The following AZI2 variants were observed in gnomAD, a reference collection of about 807,000 sequenced individuals.
AZI2 encodes the protein 5-azacytidine induced 2, also known as 5-azacytidine-induced protein 2.
Under a neutral mutation model 45.8 loss-of-function variants are expected in AZI2, and 22 were observed. The ratio of observed to expected loss-of-function variants is 0.48; its 90% CI spans 0.34 to 0.69. The LOEUF is 0.69. AZI2 is among the 30% of genes least tolerant of loss of function. The pLI is 0.01. For missense variants in AZI2, 417 were observed against 441.5 expected (o/e 0.94, Z 0.50); for synonymous variants, 137 against 156.7 (o/e 0.87, Z 0.94).
chr3:28,326,917 C>T lies in AZI2; in HGVS notation c.681G>A (p.Lys227=). The change falls in exon 7 of 8, where the codon AAG becomes AAA. Residue 227 remains lysine, a synonymous_variant. Coordinates refer to ENST00000479665, the MANE Select transcript of AZI2 (RefSeq NM_022461.5). The stretch of plus-strand genomic sequence containing the variant: ...CCAGATGTAAATTAGACATTTCTCT[C>T]TTCAGTTCCCAGTATGCATGCTGCA... ...DNMQHAYWEL[K]REMSNLHLVT... is the part of the protein sequence containing the mutation. The T allele has an allele frequency of 1.2e-6, 2 of 1,607,952 alleles. No individual in the cohort carries two copies. The highest frequency in any genetic ancestry group is 1.7e-6 in the Non-Finnish European group (2 of 1,175,790).
chr3:28,332,054 A>G, intron 6 of AZI2: 1 of 715,528 alleles, frequency 1.4e-6, no homozygotes, highest in South Asian at 1.8e-5. Flanking sequence ...ATTATATATA[A>G]TGAATAATTC....
In AZI2 at chr3:28,340,445, T is replaced by G. The variant is rs957390159; in HGVS notation, c.173A>C (p.Glu58Ala). The change falls in exon 2 of 8, where the codon GAG becomes GCG. Residue 58 changes from glutamate to alanine, a missense_variant. By Grantham distance (107) the Glu-to-Ala change is moderately radical (BLOSUM62 -1). Coordinates refer to ENST00000479665, the MANE Select transcript of AZI2 (RefSeq NM_022461.5). The part of the protein sequence containing the change: ...IKKRLKDSEK[E>A]NSLLKKRIRF... ...TATTCTCTTCTTTAACAAAGAGTTC[T>G]CTTTCTCTGAATCCTTAAGTCGTTT... is the stretch of plus-strand genomic sequence containing the variant. 5 of 1,611,472 alleles carry G rather than the reference T, an allele frequency of 3.1e-6. No individual in the cohort carries two copies. The Admixed American group carries it at 5.0e-5, about 16-fold the overall frequency.
chr3:28,333,519 T>A (rs181592162), intron 5 of AZI2, among the ~76,000 whole-genome samples: 1,991 of 143,654 alleles, frequency 0.014, 18 homozygotes, highest in Middle Eastern at 0.021. Context: ...ATTTTTTTTT[T>A]AAAAATTAGT....
rs1703303998 is a variant in AZI2 at position 28,324,428 on chromosome 3, C to T, written c.793G>A (p.Asp265Asn). The change falls in exon 8 of 8, where the codon GAC (aspartate) becomes AAC (asparagine). Residue 265 changes from aspartate (D) to asparagine (N), a missense_variant. Physicochemically the swap from Asp to Asn is conservative, Grantham distance 23. Transcript: ENST00000479665. ...KACAPVGCSEDLGRDSTKLHL... is the reference protein window; with the variant it reads ...KACAPVGCSENLGRDSTKLHL... ...AGTTTTGTGCTGTCTCTTCCAAGGT[C>T]TTCACTGCATCCTACAGGGGCACAG... is the stretch of plus-strand genomic sequence containing the variant. 5 of 1,515,706 alleles carry T rather than the reference C, an allele frequency of 3.3e-6. No individual in the cohort carries two copies. The highest frequency in any genetic ancestry group is 3.6e-4 in the Middle Eastern group (2 of 5,616). The allele number at this position is 1,515,706 out of a possible 1,614,324, so 93.9% of individuals were successfully genotyped here.
Position 28,338,047 on chromosome 3 carries a change from A to C in AZI2, c.340-11T>G. The C allele has an allele frequency of 6.8e-7, 1 of 1,476,164 alleles. No homozygotes were observed. The highest frequency in any genetic ancestry group is 1.3e-5 in the South Asian group (1 of 78,198). 91.4% of individuals were successfully genotyped at this position (1,476,164 alleles called of 1,614,324 possible). The stretch of plus-strand genomic sequence containing the variant: ...AGAGTTGTCTTTATTCTAGTTAAGT[A>C]GGGAAAATGCCAAATTACATTCAAT... On this transcript the variant is annotated splice_polypyrimidine_tract_variant and intron_variant, in intron 3 of 7. Transcript: ENST00000479665.
chr3:28,337,779 ATAT>A (rs1262460301), intron 4 of AZI2, among the ~76,000 whole-genome samples, 155 bp downstream of exon 4: 1 of 152,194 alleles, frequency 6.6e-6, no homozygotes, highest in African/African-American at 2.4e-5. Context: ...AAGGAAGTTG[ATAT>A]TATGTGAAGG....
intron 6 of AZI2, among the ~76,000 whole-genome samples, chr3:28,327,999 A>C (rs1300463005): frequency 6.7e-6 from 1 of 150,224 alleles, no homozygotes; most frequent in Admixed American, 6.7e-5. Flanking sequence ...GAAATCTAAT[A>C]TCTCAAATTA....
chr3:28,340,374 C>T (rs762726480), intron 2 of AZI2, 28 bp downstream of exon 2: 25 of 1,395,998 alleles, frequency 1.8e-5, no homozygotes, highest in East Asian at 7.0e-5. Context: ...ATGTCACAAA[C>T]GCAATGAAGG....
intron 1 of AZI2, among the ~76,000 whole-genome samples, chr3:28,347,025 G>A (rs987225034): frequency 1.3e-5 from 2 of 152,104 alleles, no homozygotes; most frequent in Admixed American, 6.5e-5. Flanking sequence ...AGTTAGCATA[G>A]GTATGAAGAG....
chr3:28,326,767 T>C (rs775924024), intron 7 of AZI2, 65 bp downstream of exon 7: 2 of 1,147,530 alleles, frequency 1.7e-6, no homozygotes, highest in Admixed American at 1.7e-5. Flanking sequence ...TGATAAGATA[T>C]GACAGCTAGT....
intron 4 of AZI2, 56 bp from the exon 5 acceptor site, chr3:28,336,941 T>C: frequency 6.5e-7 from 1 of 1,543,140 alleles, no homozygotes; most frequent in South Asian, 1.2e-5. Context: ...TTGACTGCAA[T>C]TCTTAAAAAT....
intron 7 of AZI2, chr3:28,324,970 A>G (rs1234432688): frequency 6.6e-6 from 1 of 151,132 alleles, no homozygotes; most frequent in South Asian, 2.1e-4. Context: ...CAAATTTTTT[A>G]GAAATAATTG....
Position 28,324,601 on chromosome 3 carries a change from G to A in AZI2, c.767-147C>T, listed in dbSNP as rs186663592. On this transcript the variant is annotated intron_variant, in intron 7 of 7. Transcript: ENST00000479665. ...GATCATTGAGGCACTGTGACTAGGAGATAAATGACAGATGATCTGAGTTTT... is the reference window on the plus strand; with the variant it reads ...GATCATTGAGGCACTGTGACTAGGAAATAAATGACAGATGATCTGAGTTTT... 4.1e-4 allele frequency: 253 copies of A among 616,962 alleles called. 1 individual carries two copies. The African/African-American group carries it at 4.3e-3, about 10-fold the overall frequency. 38.2% of individuals were successfully genotyped at this position (616,962 alleles called of 1,614,324 possible). A position where few individuals can be genotyped will look rare whatever the true frequency, so the allele number is the denominator to read the frequency against.
At chr3:28,347,290 G>A (rs1264868224) in intron 1 of AZI2, among the ~76,000 whole-genome samples, 1 of 152,172 alleles carries the variant, frequency 6.6e-6, no homozygotes, top group Non-Finnish European at 1.5e-5. Context: ...TAGTAGCCAA[G>A]CGTTTATGGT....
chr3:28,326,880 G>A lies in AZI2; in HGVS notation c.718C>T (p.Gln240Ter). Residue 240 changes from glutamine (Q) to a stop codon, truncating the protein, a stop_gained, in exon 7 of 8, where the codon CAA becomes TAA. Coordinates refer to ENST00000479665, the MANE Select transcript of AZI2 (RefSeq NM_022461.5). LOFTEE classifies it high-confidence loss of function. ...MSNLHLVTQV[Q>*]AELLRKLKTS... Reference sequence around the variant, plus strand: ...TTCAGTTTTCTTAGTAGTTCAGCTTGTACTTGAGTCACCAGATGTAAATTA... The same window carrying A: ...TTCAGTTTTCTTAGTAGTTCAGCTTATACTTGAGTCACCAGATGTAAATTA... 1 of 1,608,566 alleles carries A rather than the reference G, an allele frequency of 6.2e-7. No homozygotes were observed. The highest frequency in any genetic ancestry group is 8.5e-7 in the Non-Finnish European group (1 of 1,176,088).
intron 7 of AZI2, among the ~76,000 whole-genome samples, chr3:28,325,767 C>T (rs1703364792): frequency 6.6e-6 from 1 of 150,998 alleles, no homozygotes; most frequent in Non-Finnish European, 1.5e-5. Flanking sequence ...CTTATTTGTA[C>T]ATTCAACCTT....
At chr3:28,332,879 T>C (rs1271171307) in intron 5 of AZI2, among the ~76,000 whole-genome samples, 1 of 151,820 alleles carries the variant, frequency 6.6e-6, no homozygotes, top group Admixed American at 6.6e-5. Context: ...AACAGGTTAC[T>C]GTTGTAAAAC....
chr3:28,332,015 C>G lies in AZI2; in HGVS notation c.647+354G>C, dbSNP rs1417241316. On this transcript the variant is annotated intron_variant, in intron 6 of 7. Coordinates refer to ENST00000479665, the MANE Select transcript of AZI2 (RefSeq NM_022461.5). The stretch of plus-strand genomic sequence containing the variant: ...TGCTATCCCAAAGACTAACAATGGC[C>G]AAGTAGGCTCTTAAGACAAAGGAAT... The G allele has an allele frequency of 1.3e-5, 13 of 976,824 alleles. No individual in the cohort carries two copies. The Admixed American group carries it at 2.7e-4, about 21-fold the overall frequency. 60.5% of individuals were successfully genotyped at this position (976,824 alleles called of 1,614,324 possible).
intron 6 of AZI2, among the ~76,000 whole-genome samples, chr3:28,328,924 A>G (rs1306419686): frequency 2.0e-5 from 3 of 151,232 alleles, no homozygotes; most frequent in African/African-American, 7.3e-5. Context: ...CCTAATTTTT[A>G]GCAGGCTTCC....
Sources: gnomAD v4.1 joint callset for allele counts (sites outside exome capture counted in the v4.1 genomes callset) on GRCh38, gnomAD v4.1.1 for gene constraint, MANE v1.5 for transcripts, NCBI Gene and HGNC (gene_info 2026-07-23, HGNC 2026-07-21) for gene names.